The following GRXCR1 variants were observed in gnomAD, a reference collection of about 807,000 sequenced individuals.
GRXCR1 encodes glutaredoxin and cysteine rich domain containing 1.
In GRXCR1, 27 loss-of-function variants were observed where a neutral mutation model predicts 27.3. The observed-to-expected ratio is 0.99, with a 90% CI of 0.73 to 1.37. The LOEUF (loss-of-function observed/expected upper bound fraction) is 1.37, where lower values mean the gene tolerates loss of function less well. GRXCR1 is among the 40% of genes most tolerant of loss of function. GRXCR1 has a pLI of 0.00. For missense variants in GRXCR1, 379 were observed against 354.4 expected, an observed-to-expected ratio of 1.07 and a Z score of -0.56; for synonymous variants, 122 against 131.1, an observed-to-expected ratio of 0.93 and a Z score of 0.47.
intron 1 of GRXCR1, among the ~76,000 whole-genome samples, chr4:42,901,218 C>A (rs893861400): frequency 1.3e-5 from 2 of 152,172 alleles, no homozygotes; most frequent in Non-Finnish European, 2.9e-5. Context: ...TTACTACTCA[C>A]CCGGTGTATT....
chr4:42,932,607 TATATATATATATAG>T (rs1244592320), intron 1 of GRXCR1, among the ~76,000 whole-genome samples: 22 of 55,314 alleles, frequency 4.0e-4, no homozygotes, highest in South Asian at 1.6e-3. Flanking sequence ...TATATATATA[TATATATATATATAG>T]AGAGAGAGAG....
intron 3 of GRXCR1, among the ~76,000 whole-genome samples, chr4:43,025,320 A>G (rs1315632149): frequency 6.6e-6 from 1 of 152,234 alleles, no homozygotes; most frequent in Non-Finnish European, 1.5e-5. Context: ...CTAGGAAAGC[A>G]GAGAAGTGTC....
chr4:42,924,294 A>AAC (rs1008714040), intron 1 of GRXCR1, among the ~76,000 whole-genome samples: 2 of 152,052 alleles, frequency 1.3e-5, no homozygotes, highest in Non-Finnish European at 2.9e-5. Flanking sequence ...TTGTATAATA[A>AAC]ACACACATAT....
intron 1 of GRXCR1, among the ~76,000 whole-genome samples, chr4:42,957,864 C>T (rs1231033978): frequency 2.0e-5 from 3 of 151,790 alleles, no homozygotes; most frequent in African/African-American, 2.4e-5. Flanking sequence ...TGTTGAGCTT[C>T]CTCAAAACAG....
rs534212121 is a variant in GRXCR1 at position 42,950,966 on chromosome 4, G to C, written c.385-11926G>C. 7.9e-5 allele frequency among the ~76,000 whole-genome samples: 12 copies of C among 151,962 alleles called. 1 individual carries two copies. The highest frequency in any genetic ancestry group is 4.2e-4 in the South Asian group (2 of 4,810). On this transcript the variant is annotated intron_variant, in intron 1 of 3. Coordinates refer to ENST00000399770, the MANE Select transcript of GRXCR1 (RefSeq NM_001080476.3). ...ATCCAGATATCTATATCTAGGAAGA[G>C]ATTTATTACATGGTATAGGCTCATG...
intron 1 of GRXCR1, among the ~76,000 whole-genome samples, chr4:42,908,682 G>A (rs1746651250): frequency 6.6e-6 from 1 of 152,168 alleles, no homozygotes; most frequent in Non-Finnish European, 1.5e-5. Context: ...CTACTACATG[G>A]TGTTAACACA....
At chr4:42,968,474 A>G (rs1280258747) in intron 2 of GRXCR1, among the ~76,000 whole-genome samples, 1 of 152,068 alleles carries the variant, frequency 6.6e-6, no homozygotes, top group Non-Finnish European at 1.5e-5. Context: ...CACACACACT[A>G]AACAACAATG....
intron 2 of GRXCR1, among the ~76,000 whole-genome samples, chr4:42,996,427 G>A (rs1712164411): frequency 6.6e-6 from 1 of 152,132 alleles, no homozygotes; most frequent in African/African-American, 2.4e-5. Flanking sequence ...GCCTTAGTAA[G>A]TCATCTTTAA....
At chr4:42,942,057 G>A (rs887686582) in intron 1 of GRXCR1, among the ~76,000 whole-genome samples, 1 of 152,010 alleles carries the variant, frequency 6.6e-6, no homozygotes, top group Non-Finnish European at 1.5e-5. Context: ...TTCTTGTCCT[G>A]TCTTTAAAAG....
At chr4:43,012,022 A>C (rs999206811) in intron 2 of GRXCR1, among the ~76,000 whole-genome samples, 2 of 152,202 alleles carry the variant, frequency 1.3e-5, no homozygotes, top group Admixed American at 6.5e-5. Context: ...CACTTTGATC[A>C]ACTAATTATA....
At chr4:42,952,457 A>G (rs1279777442) in intron 1 of GRXCR1, among the ~76,000 whole-genome samples, 1 of 151,954 alleles carries the variant, frequency 6.6e-6, no homozygotes, top group Non-Finnish European at 1.5e-5. Flanking sequence ...ACCCCTTTCC[A>G]TTCACTTGAC....
At chr4:42,955,830 A>T (rs966721028) in intron 1 of GRXCR1, among the ~76,000 whole-genome samples, 4 of 152,118 alleles carry the variant, frequency 2.6e-5, no homozygotes, top group Non-Finnish European at 5.9e-5. Context: ...GAGGGCTTTT[A>T]AAATCAGTGC....
At chr4:42,981,118 T>C (rs1447637999) in intron 2 of GRXCR1, among the ~76,000 whole-genome samples, 1 of 151,788 alleles carries the variant, frequency 6.6e-6, no homozygotes, top group Non-Finnish European at 1.5e-5. Flanking sequence ...CCTTCTGCTG[T>C]CTTCCTTTGT....
At chr4:42,940,898 T>A (rs1303594369) in intron 1 of GRXCR1, among the ~76,000 whole-genome samples, 1 of 152,084 alleles carries the variant, frequency 6.6e-6, no homozygotes, top group Non-Finnish European at 1.5e-5. Flanking sequence ...TGTTGCCATA[T>A]AAAATATTTT....
chr4:42,900,650 T>C (rs10213205), intron 1 of GRXCR1, among the ~76,000 whole-genome samples: 29,745 of 152,126 alleles, frequency 0.2, 3,390 homozygotes, highest in African/African-American at 0.3. Flanking sequence ...TTTTGTCAGA[T>C]GAGAAGGCTC....
chr4:43,002,206 C>A (rs1479123914), intron 2 of GRXCR1, among the ~76,000 whole-genome samples: 2 of 152,296 alleles, frequency 1.3e-5, no homozygotes, highest in African/African-American at 4.8e-5. Flanking sequence ...TCAGCACAGA[C>A]CCTTTATGGG....
intron 3 of GRXCR1, among the ~76,000 whole-genome samples, chr4:43,024,444 G>A (rs988368208): frequency 6.6e-6 from 1 of 152,066 alleles, no homozygotes; most frequent in Admixed American, 6.6e-5. Flanking sequence ...GCCATAGCCT[G>A]TTCTGAGGCT....
intron 3 of GRXCR1, among the ~76,000 whole-genome samples, chr4:43,025,286 CAG>C (rs1302068172): frequency 3.3e-5 from 5 of 152,242 alleles, no homozygotes; most frequent in Middle Eastern, 3.4e-3. Flanking sequence ...ATCCAAGACT[CAG>C]GGGTGAGGCT....
At chr4:42,951,432 G>C (rs1208182757) in intron 1 of GRXCR1, among the ~76,000 whole-genome samples, 2 of 152,122 alleles carry the variant, frequency 1.3e-5, no homozygotes, top group African/African-American at 2.4e-5. Flanking sequence ...CAAAGCAAAG[G>C]CTTGAGATTG....
Sources: allele counts gnomAD v4.1 joint callset (sites outside exome capture counted in the v4.1 genomes callset), GRCh38; gene constraint gnomAD v4.1.1; transcripts MANE v1.5; gene names NCBI Gene and HGNC (gene_info 2026-07-23, HGNC 2026-07-21).